SCFD2: variants seen among roughly 807,000 people sequenced by gnomAD.
The protein encoded by SCFD2 is sec1 family domain-containing protein 2.
SCFD2 carries 54 observed loss-of-function variants against 58.9 expected under a neutral mutation model. The observed-to-expected ratio is 0.92, with a 90% CI of 0.74 to 1.15. The LOEUF is 1.15. Among genes scored for constraint, SCFD2 ranks in the 50% most tolerant of loss-of-function variants. The probability of loss-of-function intolerance (pLI) is 0.00; values close to 1 mark genes in which losing one functional copy is unlikely to be tolerated. For synonymous variants in SCFD2, 321 were observed against 335.9 expected, an observed-to-expected ratio of 0.96 and a Z score of 0.49; for missense variants, 805 against 836.6, an observed-to-expected ratio of 0.96 and a Z score of 0.47.
At chr4:53,326,135 T>A (rs1733189396) in intron 2 of SCFD2, among the ~76,000 whole-genome samples, 1 of 146,298 alleles carries the variant, frequency 6.8e-6, no homozygotes, top group Non-Finnish European at 1.5e-5. Flanking sequence ...AAAATTTTAT[T>A]TATTTTATTT....
chr4:53,238,501 G>A (rs1299104820), intron 4 of SCFD2, among the ~76,000 whole-genome samples: 49 of 150,344 alleles, frequency 3.3e-4, no homozygotes, highest in Non-Finnish European at 4.0e-4. Flanking sequence ...GGCGGGGGCT[G>A]ACCCCCCCAC....
At chr4:53,350,811 G>A (rs1214496449) in intron 2 of SCFD2, among the ~76,000 whole-genome samples, 1 of 152,186 alleles carries the variant, frequency 6.6e-6, no homozygotes, top group African/African-American at 2.4e-5. Flanking sequence ...CCAGGTTCAA[G>A]ATACTCTCGT....
intron 5 of SCFD2, among the ~76,000 whole-genome samples, chr4:53,049,232 G>A (rs1029279524): frequency 6.6e-6 from 1 of 152,202 alleles, no homozygotes; most frequent in Non-Finnish European, 1.5e-5. Flanking sequence ...ATGATACCAA[G>A]AATGTCTGCC....
intron 4 of SCFD2, among the ~76,000 whole-genome samples, chr4:53,180,631 A>C (rs1321028522): frequency 1.3e-5 from 2 of 152,224 alleles, no homozygotes; most frequent in Admixed American, 6.5e-5. Context: ...AGTTAGAAGA[A>C]GGCGAGAAAT....
intron 5 of SCFD2, among the ~76,000 whole-genome samples, chr4:52,947,980 A>G (rs1294101870): frequency 2.0e-5 from 3 of 150,810 alleles, no homozygotes; most frequent in Non-Finnish European, 3.0e-5. Context: ...AAAAAAAAAA[A>G]AAAAAAAAAG....
chr4:53,026,657 C>A (rs1193131635), intron 5 of SCFD2, among the ~76,000 whole-genome samples: 1 of 152,160 alleles, frequency 6.6e-6, no homozygotes, highest in Non-Finnish European at 1.5e-5. Flanking sequence ...CATCATGTAG[C>A]GTTTTAGGCA....
chr4:53,019,011 G>A (rs1722282058), intron 5 of SCFD2, among the ~76,000 whole-genome samples: 1 of 152,100 alleles, frequency 6.6e-6, no homozygotes, highest in African/African-American at 2.4e-5. Context: ...TGGTCAGATG[G>A]GTCCTCTCAT....
At chr4:53,042,691 C>T (rs940553286) in intron 5 of SCFD2, among the ~76,000 whole-genome samples, 1 of 143,704 alleles carries the variant, frequency 7.0e-6, no homozygotes, top group African/African-American at 2.9e-5. Flanking sequence ...CTTCCCCAAC[C>T]TATTTTTTTT....
intron 5 of SCFD2, among the ~76,000 whole-genome samples, chr4:52,954,415 G>C (rs894005706): frequency 2.2e-4 from 34 of 152,340 alleles, no homozygotes; most frequent in African/African-American, 7.9e-4. Flanking sequence ...AAGATGGAAT[G>C]CCACTGGAAG....
chr4:53,127,721 G>A (rs2148896954), intron 5 of SCFD2, among the ~76,000 whole-genome samples: 1 of 152,166 alleles, frequency 6.6e-6, no homozygotes, highest in East Asian at 1.9e-4. Context: ...TATATTTAAG[G>A]AACTGCAAGG....
At chr4:53,267,744 G>A (rs1352074734) in intron 4 of SCFD2, among the ~76,000 whole-genome samples, 1 of 151,698 alleles carries the variant, frequency 6.6e-6, no homozygotes, top group Non-Finnish European at 1.5e-5. Flanking sequence ...CCATGCCTGG[G>A]GTTCCTCAGT....
chr4:52,973,548 C>G (rs1017733769), intron 5 of SCFD2, among the ~76,000 whole-genome samples: 2 of 151,494 alleles, frequency 1.3e-5, no homozygotes, highest in Non-Finnish European at 2.9e-5. Context: ...ACCAAAAAAA[C>G]TCCAGGACCA....
intron 4 of SCFD2, among the ~76,000 whole-genome samples, chr4:53,219,140 G>A (rs1484159750): frequency 1.3e-5 from 2 of 152,130 alleles, no homozygotes; most frequent in Non-Finnish European, 2.9e-5. Flanking sequence ...CTCCATGCTG[G>A]GAGAACCACT....
chr4:53,004,309 C>T (rs1038307406), intron 5 of SCFD2, among the ~76,000 whole-genome samples: 9 of 152,100 alleles, frequency 5.9e-5, no homozygotes, highest in South Asian at 2.1e-4. Context: ...GTGGGCCACA[C>T]GGAGGACATG....
At chr4:52,952,187 T>C (rs374743758) in intron 5 of SCFD2, among the ~76,000 whole-genome samples, 4 of 150,966 alleles carry the variant, frequency 2.6e-5, no homozygotes, top group South Asian at 2.1e-4. Flanking sequence ...GTCTGAGTAG[T>C]AGCCCAAAGC....
intron 1 of SCFD2, 43 bp from the exon 2 acceptor site, chr4:53,352,809 G>A: frequency 6.6e-7 from 1 of 1,525,340 alleles, no homozygotes; most frequent in Non-Finnish European, 9.0e-7. Flanking sequence ...AAAATGGGAG[G>A]AAAAAGCAAG....
At chr4:53,049,892 T>C (rs1723142503) in intron 5 of SCFD2, among the ~76,000 whole-genome samples, 1 of 152,214 alleles carries the variant, frequency 6.6e-6, no homozygotes, top group African/African-American at 2.4e-5. Context: ...CATTTTAATT[T>C]CCTTCTTTTG....
intron 5 of SCFD2, among the ~76,000 whole-genome samples, chr4:53,096,158 A>C (rs1001567318): frequency 3.9e-5 from 6 of 152,162 alleles, no homozygotes; most frequent in Non-Finnish European, 8.8e-5. Flanking sequence ...ACTATTTGTG[A>C]ACAGTGCCTC....
intron 5 of SCFD2, among the ~76,000 whole-genome samples, chr4:53,071,644 A>G (rs1221090841): frequency 6.6e-6 from 1 of 152,094 alleles, no homozygotes; most frequent in East Asian, 1.9e-4. Context: ...ATGCAGTAAA[A>G]ATTATAACCA....
Sources: gnomAD v4.1 joint callset for allele counts (sites outside exome capture counted in the v4.1 genomes callset) on GRCh38, gnomAD v4.1.1 for gene constraint, MANE v1.5 for transcripts, NCBI Gene and HGNC (gene_info 2026-07-23, HGNC 2026-07-21) for gene names.